Variants in CAMSAP3 observed in about 807,000 individuals in gnomAD.
CAMSAP3 encodes calmodulin regulated spectrin associated protein family member 3, also known as calmodulin-regulated spectrin-associated protein 3.
Under a neutral mutation model 112.5 loss-of-function variants are expected in CAMSAP3, and 34 were observed. The ratio of observed to expected loss-of-function variants is 0.30; its 90% CI spans 0.23 to 0.40. The LOEUF (loss-of-function observed/expected upper bound fraction) is 0.40, where lower values mean the gene tolerates loss of function less well. Ranked by LOEUF, CAMSAP3 falls within the 10% of genes least tolerant of loss-of-function variation. The pLI is 1.00. For synonymous variants in CAMSAP3, 868 were observed against 799.8 expected (o/e 1.09, Z -1.44); for missense variants, 1,602 against 1,770.3 (o/e 0.90, Z 1.71).
intron 1 of CAMSAP3, among the ~76,000 whole-genome samples, chr19:7,600,404 C>T (rs1383686951): frequency 8.5e-5 from 1 of 11,808 alleles, no homozygotes; most frequent in Non-Finnish European, 1.9e-4. Context: ...TCCATGCACC[C>T]GCCGACTCAT....
intron 1 of CAMSAP3, 25 bp downstream of exon 1, chr19:7,596,175 T>C: frequency 2.9e-4 from 10 of 34,484 alleles, no homozygotes; most frequent in Non-Finnish European, 4.6e-4. Flanking sequence ...GGGACCGGGG[T>C]CGGGGGCGGC....
intron 11 of CAMSAP3, chr19:7,614,891 A>G (rs1399879694): frequency 5.6e-6 from 3 of 538,586 alleles, no homozygotes; most frequent in African/African-American, 3.8e-5. Flanking sequence ...CGCAGTGTAG[A>G]GTGTCTGTGC....
At chr19:7,601,318 T>G (rs958427699) in intron 1 of CAMSAP3, among the ~76,000 whole-genome samples, 1 of 150,974 alleles carries the variant, frequency 6.6e-6, no homozygotes, top group African/African-American at 2.4e-5. Context: ...CGCATTATAT[T>G]TCTTTTTTTT....
Position 7,611,613 on chromosome 19 carries a change from G to C in CAMSAP3, c.1193+27G>C. On this transcript the variant is annotated intron_variant, in intron 10 of 16. Coordinates refer to ENST00000160298, the MANE Select transcript of CAMSAP3 (RefSeq NM_020902.2). The surrounding 1 kb of genome is among the most constrained non-coding windows in gnomAD (Gnocchi z 6.9). Reference sequence around the variant, plus strand: ...TGAGTAGACCTCACAGGCCAGGGTAGGGGGTGGAGCAGGCTAGGGCGGGTT... The same window carrying C: ...TGAGTAGACCTCACAGGCCAGGGTACGGGGTGGAGCAGGCTAGGGCGGGTT... 1 of 1,607,716 alleles carries C rather than the reference G, an allele frequency of 6.2e-7. No individual in the cohort carries two copies. The highest frequency in any genetic ancestry group is 8.5e-7 in the Non-Finnish European group (1 of 1,177,448).
Position 7,596,155 on chromosome 19 carries a change from C to T in CAMSAP3, c.148+5C>T. 1 of 227,698 alleles carries T rather than the reference C, an allele frequency of 4.4e-6. No individual in the cohort carries two copies. The allele number at this position is 227,698 out of a possible 1,614,324, so 14.1% of individuals were successfully genotyped here. On this transcript the variant is annotated splice_donor_5th_base_variant and intron_variant, in intron 1 of 16. Transcript: ENST00000160298. ...GGGCCGCGTTCGGGGGCGCAGGTAC[C>T]GGGGCTCGGGGGACCGGGGTCGGGG...
rs781129369 is a variant in CAMSAP3, at chr19:7,617,504, C to G, written c.3326-39C>G. The G allele has an allele frequency of 1.2e-6, 2 of 1,610,100 alleles. No homozygotes were observed. The highest frequency in any genetic ancestry group is 1.7e-6 in the Non-Finnish European group (2 of 1,176,340). ...CCTCCTCCACAGCCCCTGCTCATTC[C>G]TGCTGCCCCCCACCCCCTCCCACTG... On this transcript the variant is annotated intron_variant, in intron 15 of 16. Coordinates refer to ENST00000160298, the MANE Select transcript of CAMSAP3 (RefSeq NM_020902.2). The surrounding 1 kb of genome is among the most constrained non-coding windows in gnomAD (Gnocchi z 7.5).
Position 7,617,226 on chromosome 19 carries a change from A to G in CAMSAP3, c.3213-100A>G. On this transcript the variant is annotated intron_variant, in intron 14 of 16. Transcript: ENST00000160298. This position sits in a 1 kb window ranked among gnomAD's most constrained non-coding sequence, Gnocchi z 7.5. ...GCCACGATGCCCAGCCGTGGCCCTT[A>G]TTTTCCTTGGCCCCTCTGCACATAG... 2.4e-6 allele frequency: 2 copies of G among 838,330 alleles called. No individual in the cohort carries two copies. Among genetic ancestry groups the G allele is most frequent in the South Asian group, 1.4e-5 (1 of 70,980 alleles). The allele number at this position is 838,330 out of a possible 1,614,324, so 51.9% of individuals were successfully genotyped here.
At position 7,611,089 on chromosome 19, in the gene CAMSAP3, G is replaced by T. The variant is rs192934651; in HGVS notation, c.1050-6G>T. 5.0e-6 allele frequency: 8 copies of T among 1,613,696 alleles called. No individual in the cohort carries two copies. The highest frequency in any genetic ancestry group is 1.3e-5 in the African/African-American group (1 of 75,004). Reference sequence around the variant, plus strand: ...TCCTGAGGCTGAAGTACGTCTCTCCGTACAGTTCTCCTGTCTTCACCTTCC... The same window carrying T: ...TCCTGAGGCTGAAGTACGTCTCTCCTTACAGTTCTCCTGTCTTCACCTTCC... On this transcript the variant is annotated splice_region_variant and splice_polypyrimidine_tract_variant and intron_variant, in intron 8 of 16. Coordinates refer to ENST00000160298, the MANE Select transcript of CAMSAP3 (RefSeq NM_020902.2). The surrounding 1 kb of genome is among the most constrained non-coding windows in gnomAD (Gnocchi z 6.9).
chr19:7,604,632 C>T (rs1471577755), intron 1 of CAMSAP3, among the ~76,000 whole-genome samples: 1 of 151,750 alleles, frequency 6.6e-6, no homozygotes, highest in Non-Finnish European at 1.5e-5. Context: ...CCTGTGTGCC[C>T]CCCACTCATC....
Position 7,608,182 on chromosome 19 carries a change from G to A in CAMSAP3, c.678G>A (p.Val226=). 6.2e-7 allele frequency: 1 copy of A among 1,612,674 alleles called. No individual in the cohort carries two copies. The highest frequency in any genetic ancestry group is 8.5e-7 in the Non-Finnish European group (1 of 1,179,968). The part of the protein sequence containing the change: ...VARRAPCFPT[V]TSLQDLASGA... ...GACGTGCCCCCTGCTTCCCGACGGT[G>A]ACCAGCCTCCAGGACCTGGCCAGTG... Residue 226 remains valine, a synonymous_variant, in exon 5 of 17, where the codon GTG becomes GTA. Transcript: ENST00000160298.
rs199552187 is a variant in CAMSAP3, at chr19:7,608,159, C to T, written c.655C>T (p.Arg219Cys). The change falls in exon 5 of 17, where the codon CGT becomes TGT. Residue 219 changes from arginine (R) to cysteine (C), a missense_variant. By Grantham distance (180) the Arg-to-Cys change is radical. This residue lies in a region of CAMSAP3 where 112 missense variants were observed against 94.2 expected (regional missense o/e 1.19). Transcript: ENST00000160298. Reference protein sequence around the residue: ...RYRKDRVVARRAPCFPTVTSL... With the variant: ...RYRKDRVVARCAPCFPTVTSL... ...CCGCAAGGACCGTGTGGTGGCGCGACGTGCCCCCTGCTTCCCGACGGTGAC... is the reference window on the plus strand; with the variant it reads ...CCGCAAGGACCGTGTGGTGGCGCGATGTGCCCCCTGCTTCCCGACGGTGAC... 2.9e-5 allele frequency: 46 copies of T among 1,612,030 alleles called. No homozygotes were observed. The highest frequency in any genetic ancestry group is 2.7e-4 in the East Asian group (12 of 44,884).
Position 7,608,122 on chromosome 19 carries a change from G to A in CAMSAP3, c.622-4G>A. The A allele has an allele frequency of 6.2e-7, 1 of 1,609,864 alleles. No homozygotes were observed. On this transcript the variant is annotated splice_polypyrimidine_tract_variant and splice_region_variant and intron_variant, in intron 4 of 16. Coordinates refer to ENST00000160298, the MANE Select transcript of CAMSAP3 (RefSeq NM_020902.2). ...CACTCACCTGACCTGGCTCCCATCT[G>A]CAGATCCGATACCGCAAGGACCGTG... is the stretch of plus-strand genomic sequence containing the variant.
Position 7,618,077 on chromosome 19 carries a change from G to A in CAMSAP3, c.*20G>A, listed in dbSNP as rs752095273. 3.4e-5 allele frequency: 54 copies of A among 1,602,778 alleles called. No homozygotes were observed. The highest frequency in any genetic ancestry group is 6.7e-5 in the East Asian group (3 of 44,784). Reference sequence around the variant, plus strand: ...AAATAGCCCCACCCGGGCGGTCCACGGGCCGGGCCCTGTGTGCTGCGGCCG... The same window carrying A: ...AAATAGCCCCACCCGGGCGGTCCACAGGCCGGGCCCTGTGTGCTGCGGCCG... On this transcript the variant is annotated 3_prime_UTR_variant, in exon 17 of 17. Transcript: ENST00000160298.
chr19:7,603,421 A>T (rs1489486965), intron 1 of CAMSAP3, among the ~76,000 whole-genome samples: 1 of 151,902 alleles, frequency 6.6e-6, no homozygotes, highest in Non-Finnish European at 1.5e-5. Flanking sequence ...CACCATGTTG[A>T]CAAGGCTGGT....
At position 7,607,743 on chromosome 19, in the gene CAMSAP3, C is replaced by T. The variant is rs1038417652; in HGVS notation, c.622-383C>T. 3.6e-6 allele frequency: 2 copies of T among 563,324 alleles called. No homozygotes were observed. Among genetic ancestry groups the T allele is most frequent in the Admixed American group, 3.2e-5 (1 of 31,650 alleles). 34.9% of individuals were successfully genotyped at this position (563,324 alleles called of 1,614,324 possible). A position where few individuals can be genotyped will look rare whatever the true frequency, so the allele number is the denominator to read the frequency against. ...TCAGGACCAGGGTCAGGGCTACCCC[C>T]TCCCCCCCAAGGTGGGCTTGGGGGC... On this transcript the variant is annotated intron_variant, in intron 4 of 16. Transcript: ENST00000160298. The surrounding 1 kb of genome is among the most constrained non-coding windows in gnomAD (Gnocchi z 4.9).
chr19:7,599,174 C>G (rs1328775520), intron 1 of CAMSAP3, among the ~76,000 whole-genome samples: 3 of 151,880 alleles, frequency 2.0e-5, no homozygotes, highest in Non-Finnish European at 4.4e-5. Context: ...CTGTCTCAAT[C>G]AGCCTTCCAT....
Position 7,612,796 on chromosome 19 carries a change from G to A in CAMSAP3, c.2303G>A (p.Arg768His), listed in dbSNP as rs768260718. The A allele has an allele frequency of 2.6e-6, 4 of 1,535,084 alleles. No homozygotes were observed. The highest frequency in any genetic ancestry group is 2.2e-4 in the Middle Eastern group (1 of 4,564). ...SPARRVPATR[R>H]SPGPGPSQSP... Reference sequence around the variant, plus strand: ...GCCCGGCGAGTCCCGGCCACCCGGCGCAGCCCTGGGCCCGGGCCCAGCCAG... The same window carrying A: ...GCCCGGCGAGTCCCGGCCACCCGGCACAGCCCTGGGCCCGGGCCCAGCCAG... The change falls in exon 11 of 17, where the codon CGC becomes CAC. Residue 768 changes from arginine (R) to histidine (H), a missense_variant. Physicochemically the swap from Arg to His is conservative, Grantham distance 29. Transcript: ENST00000160298.
At chr19:7,597,541 C>A (rs1301121192) in intron 1 of CAMSAP3, among the ~76,000 whole-genome samples, 2 of 152,128 alleles carry the variant, frequency 1.3e-5, no homozygotes, top group African/African-American at 4.8e-5. Flanking sequence ...ATCTGTTTTG[C>A]GAATGTTTGT....
At position 7,610,063 on chromosome 19, in the gene CAMSAP3, A is replaced by T. The variant is rs1402222097; in HGVS notation, c.761-413A>T. ...GCCGGGTACAGTGGCTCACGCCTGT[A>T]ATCCCAGCACTTTGGGTGGCTGAGG... On this transcript the variant is annotated intron_variant, in intron 5 of 16. Transcript: ENST00000160298. The surrounding 1 kb of genome is among the most constrained non-coding windows in gnomAD (Gnocchi z 4.9). Among the ~76,000 whole-genome samples the T allele has an allele frequency of 2.0e-5, 3 of 152,136 alleles. No homozygotes were observed. The East Asian group carries it at 5.8e-4, about 29-fold the overall frequency.
Sources: allele counts gnomAD v4.1 joint callset (sites outside exome capture counted in the v4.1 genomes callset), GRCh38; gene constraint gnomAD v4.1.1; regional missense constraint gnomAD v4.1.1; non-coding constraint Gnocchi (gnomAD v3.1); transcripts MANE v1.5; gene names NCBI Gene and HGNC (gene_info 2026-07-23, HGNC 2026-07-21).